The following LDLRAP1 variants were observed in gnomAD, a reference collection of about 807,000 sequenced individuals.
LDLRAP1 encodes low density lipoprotein receptor adaptor protein 1, also known as low density lipoprotein receptor adapter protein 1.
LDLRAP1 carries 30 observed loss-of-function variants against 37.8 expected under a neutral mutation model. That is an observed-to-expected ratio of 0.79 (90% CI 0.59 to 1.08). The LOEUF is 1.08. Ranked by LOEUF, LDLRAP1 falls within the 50% of genes least tolerant of loss-of-function variation. The pLI, the probability that LDLRAP1 is intolerant of heterozygous loss-of-function variation, is 0.00. For synonymous variants in LDLRAP1, 156 were observed against 169.8 expected (o/e 0.92, Z 0.63); for missense variants, 375 against 401.6 (o/e 0.93, Z 0.57).
At chr1:25,545,306 ATC>A (rs1340317144) in intron 1 of LDLRAP1, among the ~76,000 whole-genome samples, 1 of 152,134 alleles carries the variant, frequency 6.6e-6, no homozygotes, top group African/African-American at 2.4e-5. Flanking sequence ...AGAAAGAAAT[ATC>A]TCTGAATCTG....
In LDLRAP1 at chr1:25,565,169, C is replaced by G; in HGVS notation, c.748-4C>G. ...TTCTTATCTCCTGCTTTGTTTTCCCCAAGGAGCTGGATGATGGCCTGGATG... is the reference window on the plus strand; with the variant it reads ...TTCTTATCTCCTGCTTTGTTTTCCCGAAGGAGCTGGATGATGGCCTGGATG... On this transcript the variant is annotated splice_polypyrimidine_tract_variant and splice_region_variant and intron_variant, in intron 7 of 8. Coordinates refer to ENST00000374338, the MANE Select transcript of LDLRAP1 (RefSeq NM_015627.3). 1 of 1,614,136 alleles carries G rather than the reference C, an allele frequency of 6.2e-7. No homozygotes were observed. The highest frequency in any genetic ancestry group is 8.5e-7 in the Non-Finnish European group (1 of 1,179,982).
Position 25,554,223 on chromosome 1 carries a change from G to C in LDLRAP1, c.231+159G>C, listed in dbSNP as rs2044148003. On this transcript the variant is annotated intron_variant, in intron 2 of 8. Coordinates refer to ENST00000374338, the MANE Select transcript of LDLRAP1 (RefSeq NM_015627.3). This position sits in a 1 kb window ranked among gnomAD's most constrained non-coding sequence, Gnocchi z 5.4. ...CCAGCTTTTGGGCCTTGGCAGAGGG[G>C]AACCATTGGACTTGCAAGGTCACGG... is the stretch of plus-strand genomic sequence containing the variant. Among the ~76,000 whole-genome samples, 1 of 152,174 alleles carries C rather than the reference G, an allele frequency of 6.6e-6. No individual in the cohort carries two copies. Among genetic ancestry groups the C allele is most frequent in the Non-Finnish European group, 1.5e-5 (1 of 68,020 alleles).
In LDLRAP1 at chr1:25,555,203, GTCA is replaced by G. The variant is rs1461178323; in HGVS notation, c.344+238_344+240del. Among the ~76,000 whole-genome samples, 11 of 152,222 alleles carry G rather than the reference GTCA, an allele frequency of 7.2e-5. No homozygotes were observed. Among genetic ancestry groups the G allele is most frequent in the African/African-American group, 1.9e-4 (8 of 41,452 alleles). On this transcript the variant is annotated intron_variant, in intron 3 of 8. Transcript: ENST00000374338. The surrounding 1 kb of genome is among the most constrained non-coding windows in gnomAD (Gnocchi z 4.7). ...ATTTGGTTAAGTGGCAGCTGCTGCTGTCATCATCACCAGTTGCAGAAGACAGCT... is the reference window on the plus strand; with the variant it reads ...ATTTGGTTAAGTGGCAGCTGCTGCTGTCATCACCAGTTGCAGAAGACAGCT...
At chr1:25,545,274 G>T (rs1383062656) in intron 1 of LDLRAP1, among the ~76,000 whole-genome samples, 1 of 152,210 alleles carries the variant, frequency 6.6e-6, no homozygotes, top group Non-Finnish European at 1.5e-5. Flanking sequence ...AAGGAAGGGG[G>T]GCTGGCAAGG....
chr1:25,556,247 C>G (rs894061278), intron 3 of LDLRAP1, among the ~76,000 whole-genome samples: 1 of 152,080 alleles, frequency 6.6e-6, no homozygotes, highest in African/African-American at 2.4e-5. Flanking sequence ...GGCTACCGGC[C>G]CCTCCCCGAT....
At chr1:25,553,770 CAA>C (rs34367689) in intron 1 of LDLRAP1, 150 bp from the exon 2 acceptor site, 36,658 of 566,344 alleles carry the variant, frequency 0.065, 6 homozygotes, top group Middle Eastern at 0.076. Flanking sequence ...AACTCAGTCT[CAA>C]AAAAAAAAAA....
chr1:25,564,211 A>C, intron 7 of LDLRAP1: 1 of 272,258 alleles, frequency 3.7e-6, no homozygotes, highest in Non-Finnish European at 7.3e-6. Flanking sequence ...AAGCCCCCTG[A>C]CCTCTCTGTC....
At chr1:25,577,508 C>T in the LDLRAP1 span, among the ~76,000 whole-genome samples, 1 of 152,220 alleles carries the variant, frequency 6.6e-6, no homozygotes, top group South Asian at 2.1e-4. Flanking sequence ...ACGCCCAGTG[C>T]AGGAGGCAGA....
intron 6 of LDLRAP1, 131 bp from the exon 7 acceptor site, chr1:25,563,530 G>T: frequency 1.6e-6 from 2 of 1,260,058 alleles, no homozygotes; most frequent in South Asian, 1.3e-5. Flanking sequence ...GGAGGTGCCA[G>T]GGCCGGGCTC....
chr1:25,588,006 A>T, the LDLRAP1 span, among the ~76,000 whole-genome samples: 3 of 152,138 alleles, frequency 2.0e-5, no homozygotes, highest in African/African-American at 7.2e-5. Flanking sequence ...CCCTGAAACA[A>T]GTGCTGTGTC....
chr1:25,562,176 T>C (rs2044358040), intron 4 of LDLRAP1, among the ~76,000 whole-genome samples: 1 of 152,238 alleles, frequency 6.6e-6, no homozygotes, highest in African/African-American at 2.4e-5. Flanking sequence ...TGGCTGTGGC[T>C]CATTTGGGGC....
chr1:25,583,315 G>T, the LDLRAP1 span, among the ~76,000 whole-genome samples: 7 of 150,068 alleles, frequency 4.7e-5, no homozygotes, highest in Non-Finnish European at 8.9e-5. Context: ...TCAGCCTCCC[G>T]AATAGCTGGG....
the LDLRAP1 span, among the ~76,000 whole-genome samples, chr1:25,580,338 C>T: frequency 3.9e-5 from 6 of 152,036 alleles, no homozygotes; most frequent in Admixed American, 1.3e-4. Flanking sequence ...CTAAGGAGCA[C>T]CACTGCACTC....
chr1:25,587,352 C>A, the LDLRAP1 span, among the ~76,000 whole-genome samples: 13 of 152,050 alleles, frequency 8.5e-5, no homozygotes, highest in African/African-American at 3.1e-4. Context: ...CAGGGTCTTA[C>A]CATGTTGCCC....
At chr1:25,578,773 C>T in the LDLRAP1 span, among the ~76,000 whole-genome samples, 1 of 152,188 alleles carries the variant, frequency 6.6e-6, no homozygotes, top group Non-Finnish European at 1.5e-5. Context: ...CCACCTTGGC[C>T]TCCCAAAGTG....
chr1:25,571,701 G>A (rs1475380882), downstream of LDLRAP1, among the ~76,000 whole-genome samples: 1 of 152,224 alleles, frequency 6.6e-6, no homozygotes, highest in African/African-American at 2.4e-5. Context: ...CAGGTCACTT[G>A]GGACATTGGC....
At position 25,567,386 on chromosome 1, in the gene LDLRAP1, C is replaced by T; in HGVS notation, c.*394C>T. ...AGTCCCTTCTCTCTTTCTAAGGACC[C>T]AAATTTCCCTGGGGGCATCCTGCTT... On this transcript the variant is annotated 3_prime_UTR_variant, in exon 9 of 9. Transcript: ENST00000374338. The T allele has an allele frequency of 3.2e-6, 1 of 317,194 alleles. No homozygotes were observed. The highest frequency in any genetic ancestry group is 6.1e-6 in the Non-Finnish European group (1 of 163,476). 19.6% of individuals were successfully genotyped at this position (317,194 alleles called of 1,614,324 possible). A position where few individuals can be genotyped will look rare whatever the true frequency, so the allele number is the denominator to read the frequency against.
intron 4 of LDLRAP1, among the ~76,000 whole-genome samples, chr1:25,559,895 G>A (rs751978673): frequency 3.3e-5 from 5 of 152,214 alleles, no homozygotes; most frequent in East Asian, 1.9e-4. Context: ...CATCCAAGGC[G>A]GTAGAGAACA....
chr1:25,576,050 G>GGCC, the LDLRAP1 span, among the ~76,000 whole-genome samples: 7 of 151,052 alleles, frequency 4.6e-5, no homozygotes, highest in Admixed American at 4.0e-4. Flanking sequence ...CCAACATGGT[G>GGCC]AAACCCCATC....
Sources: allele counts gnomAD v4.1 joint callset (sites outside exome capture counted in the v4.1 genomes callset), GRCh38; gene constraint gnomAD v4.1.1; non-coding constraint Gnocchi (gnomAD v3.1); transcripts MANE v1.5; gene names NCBI Gene and HGNC (gene_info 2026-07-23, HGNC 2026-07-21).